Variants in UBE2U observed in about 807,000 individuals in gnomAD.
UBE2U encodes the protein ubiquitin-conjugating enzyme E2 U.
A neutral mutation model predicts 41.2 loss-of-function variants in UBE2U; 39 were observed. The observed-to-expected ratio is 0.95, with a 90% CI of 0.73 to 1.24. The LOEUF (loss-of-function observed/expected upper bound fraction) is 1.24. Among genes scored for constraint, UBE2U ranks in the 50% most tolerant of loss-of-function variants. The probability of loss-of-function intolerance (pLI) is 0.00; values close to 1 mark genes in which losing one functional copy is unlikely to be tolerated. For synonymous variants in UBE2U, 107 were observed against 117.8 expected, an observed-to-expected ratio of 0.91 and a Z score of 0.60; for missense variants, 336 against 363.1, an observed-to-expected ratio of 0.93 and a Z score of 0.61.
chr1:64,211,256 GTTTT>G (rs1651646019), intron 4 of UBE2U, among the ~76,000 whole-genome samples: 1 of 152,034 alleles, frequency 6.6e-6, no homozygotes, highest in African/African-American at 2.4e-5. Flanking sequence ...GTTCACTTTT[GTTTT>G]TTGTTTCTGA....
chr1:64,233,642 T>C (rs936870403), intron 7 of UBE2U, among the ~76,000 whole-genome samples: 4 of 152,194 alleles, frequency 2.6e-5, no homozygotes, highest in African/African-American at 9.6e-5. Flanking sequence ...GCTGTTCAAT[T>C]ATATCAATCT....
At chr1:64,219,289 G>A (rs12760620) in intron 5 of UBE2U, among the ~76,000 whole-genome samples, 25,228 of 151,848 alleles carry the variant, frequency 0.17, 2,714 homozygotes, top group Non-Finnish European at 0.24. Flanking sequence ...ATTTCATTCC[G>A]ATGTCCAATT....
chr1:64,256,062 A>G (rs4915958), intron 8 of UBE2U, among the ~76,000 whole-genome samples: 1 of 152,090 alleles, frequency 6.6e-6, no homozygotes, highest in Non-Finnish European at 1.5e-5. Flanking sequence ...TACAGCTAAC[A>G]AGGGAAGTGA....
At chr1:64,244,170 T>A (rs1414780533) in intron 8 of UBE2U, 8 of 1,607,426 alleles carry the variant, frequency 5.0e-6, no homozygotes, top group Non-Finnish European at 5.1e-6. Flanking sequence ...GGGAAGAGCA[T>A]GAGCTTCAGA....
At chr1:64,239,150 GAAGAAGA>G (rs1557730797) in intron 7 of UBE2U, among the ~76,000 whole-genome samples, 324 of 28,282 alleles carry the variant, frequency 0.011, 5 homozygotes, top group Admixed American at 0.018. Flanking sequence ...AGAAGAAGAA[GAAGAAGA>G]AAGAAGAAGA....
Position 64,220,795 on chromosome 1 carries a change from G to A in UBE2U, c.458-64G>A, listed in dbSNP as rs1434950764. 4.3e-6 allele frequency: 5 copies of A among 1,158,846 alleles called. No individual in the cohort carries two copies. In the African/African-American group the frequency reaches 7.8e-5, roughly 18 times the overall value. The allele number at this position is 1,158,846 out of a possible 1,614,324, so 71.8% of individuals were successfully genotyped here. On this transcript the variant is annotated intron_variant, in intron 5 of 9. Coordinates refer to ENST00000371077, the MANE Select transcript of UBE2U (RefSeq NM_001366232.2). Reference sequence around the variant, plus strand: ...ATTTTATTGAGGCTTTGGAAATAGTGCACATAAAGCCATATATTCAATCTC... The same window carrying A: ...ATTTTATTGAGGCTTTGGAAATAGTACACATAAAGCCATATATTCAATCTC...
intron 7 of UBE2U, 103 bp downstream of exon 7, chr1:64,232,752 G>A (rs1570051183): frequency 1.3e-6 from 1 of 774,494 alleles, no homozygotes; most frequent in Non-Finnish European, 2.1e-6. Flanking sequence ...CTATGTAAGA[G>A]TGATAAACTT....
At chr1:64,251,011 T>C (rs951407752) in intron 8 of UBE2U, among the ~76,000 whole-genome samples, 1 of 151,784 alleles carries the variant, frequency 6.6e-6, no homozygotes, top group Non-Finnish European at 1.5e-5. Flanking sequence ...CATGTATACA[T>C]ATGTAACCAA....
intron 6 of UBE2U, among the ~76,000 whole-genome samples, chr1:64,221,781 G>C (rs899178981): frequency 1.3e-5 from 2 of 152,146 alleles, no homozygotes; most frequent in East Asian, 1.9e-4. Context: ...CTGTATAAAA[G>C]TTGAGTAAAA....
At chr1:64,239,147 G>GAAAGAAGA (rs1221111528) in intron 7 of UBE2U, among the ~76,000 whole-genome samples, 1 of 27,012 alleles carries the variant, frequency 3.7e-5, no homozygotes, top group Non-Finnish European at 6.6e-5. Flanking sequence ...AGAAGAAGAA[G>GAAAGAAGA]AAGAAGAAGA....
chr1:64,230,027 G>T (rs779373105), intron 6 of UBE2U, among the ~76,000 whole-genome samples: 1 of 152,118 alleles, frequency 6.6e-6, no homozygotes, highest in African/African-American at 2.4e-5. Context: ...ACAGCAAAAC[G>T]AACCAGATTT....
At chr1:64,231,685 A>T (rs1644569245) in intron 6 of UBE2U, among the ~76,000 whole-genome samples, 1 of 152,234 alleles carries the variant, frequency 6.6e-6, no homozygotes, top group African/African-American at 2.4e-5. Context: ...ACTTAATTTA[A>T]GGTACCTATG....
At chr1:64,213,191 A>G (rs966947901) in intron 4 of UBE2U, among the ~76,000 whole-genome samples, 1 of 152,138 alleles carries the variant, frequency 6.6e-6, no homozygotes, top group Admixed American at 6.6e-5. Context: ...CACACCAGGC[A>G]ATCCTGCTCA....
At chr1:64,212,605 C>A (rs536436151) in intron 4 of UBE2U, among the ~76,000 whole-genome samples, 1 of 152,052 alleles carries the variant, frequency 6.6e-6, no homozygotes, top group Non-Finnish European at 1.5e-5. Flanking sequence ...TAATACAGGT[C>A]GAGTATTTCT....
chr1:64,234,756 G>A (rs999165846), intron 7 of UBE2U, among the ~76,000 whole-genome samples: 1 of 152,106 alleles, frequency 6.6e-6, no homozygotes, highest in Admixed American at 6.6e-5. Flanking sequence ...GGTTAATTCA[G>A]GTCAAAGATT....
At chr1:64,237,243 A>G (rs1316252759) in intron 7 of UBE2U, among the ~76,000 whole-genome samples, 3 of 150,932 alleles carry the variant, frequency 2.0e-5, no homozygotes, top group African/African-American at 4.9e-5. Context: ...TGACCATCCT[A>G]GCAGTGGAAA....
intron 8 of UBE2U, among the ~76,000 whole-genome samples, chr1:64,255,551 G>A (rs1011738227): frequency 3.3e-5 from 5 of 152,134 alleles, no homozygotes; most frequent in Non-Finnish European, 7.4e-5. Context: ...GAATCTAGCA[G>A]CACATCAAAA....
At chr1:64,266,644 G>A (rs534955571) in intron 9 of UBE2U, among the ~76,000 whole-genome samples, 3 of 152,048 alleles carry the variant, frequency 2.0e-5, no homozygotes, top group Non-Finnish European at 4.4e-5. Flanking sequence ...AACATGTTCT[G>A]ACCTCCCTTC....
intron 9 of UBE2U, among the ~76,000 whole-genome samples, chr1:64,265,134 G>T (rs144329728): frequency 2.6e-5 from 4 of 152,056 alleles, no homozygotes; most frequent in African/African-American, 9.7e-5. Context: ...TAGAATGGCC[G>T]TAGCTCTCTT....
Sources: gnomAD v4.1 joint callset for allele counts (sites outside exome capture counted in the v4.1 genomes callset) on GRCh38, gnomAD v4.1.1 for gene constraint, MANE v1.5 for transcripts, NCBI Gene and HGNC (gene_info 2026-07-23, HGNC 2026-07-21) for gene names.